The following QRICH1 variants were observed in gnomAD, a reference collection of about 807,000 sequenced individuals.
The protein encoded by QRICH1 is transcriptional regulator QRICH1.
In QRICH1, 16 loss-of-function variants were observed where a neutral mutation model predicts 87.1. The observed-to-expected ratio is 0.18, with a 90% CI of 0.12 to 0.28. The LOEUF (loss-of-function observed/expected upper bound fraction) is 0.28. QRICH1 is among the 10% of genes least tolerant of loss of function. The pLI, the probability that QRICH1 is intolerant of heterozygous loss-of-function variation, is 1.00. For synonymous variants in QRICH1, 367 were observed against 368.4 expected, an observed-to-expected ratio of 1.00 and a Z score of 0.05; for missense variants, 647 against 951.7, an observed-to-expected ratio of 0.68 and a Z score of 4.21.
Position 49,093,915 on chromosome 3 carries a change from G to A in QRICH1, c.-25C>T, listed in dbSNP as rs937031419. 8.0e-6 allele frequency: 3 copies of A among 373,434 alleles called. No homozygotes were observed. Among genetic ancestry groups the A allele is most frequent in the African/African-American group, 6.4e-5 (3 of 47,138 alleles). 23.1% of individuals were successfully genotyped at this position (373,434 alleles called of 1,614,324 possible). A position where few individuals can be genotyped will look rare whatever the true frequency, so the allele number is the denominator to read the frequency against. ...CCACCCGCACTGGAGCCCTCACCCG[G>A]CGACGTCACTGCCGCCGCCGCCGCC... On this transcript the variant is annotated 5_prime_UTR_variant, in exon 1 of 10. Coordinates refer to ENST00000395443, the MANE Select transcript of QRICH1 (RefSeq NM_198880.3).
At chr3:49,072,359 A>C (rs969032865) in intron 2 of QRICH1, among the ~76,000 whole-genome samples, 1 of 152,024 alleles carries the variant, frequency 6.6e-6, no homozygotes, top group Non-Finnish European at 1.5e-5. Flanking sequence ...TTCTGGCTCT[A>C]TCAAAAATAC....
chr3:49,072,773 G>A (rs2106963571), intron 2 of QRICH1, among the ~76,000 whole-genome samples: 1 of 152,196 alleles, frequency 6.6e-6, no homozygotes, highest in South Asian at 2.1e-4. Flanking sequence ...TGGGAACAGT[G>A]GCTCATGCCT....
At chr3:49,036,703 A>G (rs1051138080) in intron 6 of QRICH1, among the ~76,000 whole-genome samples, 1 of 152,084 alleles carries the variant, frequency 6.6e-6, no homozygotes, top group East Asian at 1.9e-4. Flanking sequence ...AAACAAAAAA[A>G]AAAAACAGCC....
intron 3 of QRICH1, 138 bp downstream of exon 3, chr3:49,056,724 C>A (rs1394157335): frequency 5.7e-6 from 8 of 1,409,450 alleles, no homozygotes; most frequent in Non-Finnish European, 7.7e-6. Context: ...GTTTCTCCCC[C>A]TCTTCTCCCA....
intron 1 of QRICH1, among the ~76,000 whole-genome samples, chr3:49,081,866 G>T (rs942092411): frequency 9.3e-5 from 14 of 151,260 alleles, no homozygotes; most frequent in Non-Finnish European, 1.8e-4. Flanking sequence ...GGAGTGCAGT[G>T]GCGTCATCTC....
chr3:49,042,415 C>T (rs1341866643), intron 6 of QRICH1, among the ~76,000 whole-genome samples: 1 of 151,940 alleles, frequency 6.6e-6, no homozygotes, highest in African/African-American at 2.4e-5. Context: ...ACACAGGAAT[C>T]TTAAAGGCAT....
At chr3:49,072,436 G>A (rs2041856943) in intron 2 of QRICH1, among the ~76,000 whole-genome samples, 1 of 151,584 alleles carries the variant, frequency 6.6e-6, no homozygotes, top group African/African-American at 2.4e-5. Flanking sequence ...TGAGGTGGGA[G>A]GATTGCTTGA....
intron 9 of QRICH1, among the ~76,000 whole-genome samples, chr3:49,030,985 T>C (rs2093234025): frequency 6.6e-6 from 1 of 151,064 alleles, no homozygotes; most frequent in African/African-American, 2.4e-5. Flanking sequence ...TCTCCAAGTC[T>C]TTGCGCTTTT....
At chr3:49,054,909 T>C (rs1397273651) in intron 3 of QRICH1, among the ~76,000 whole-genome samples, 4 of 152,146 alleles carry the variant, frequency 2.6e-5, no homozygotes, top group South Asian at 2.1e-4. Flanking sequence ...CAAAAATAAA[T>C]AAACTACAGT....
At chr3:49,085,137 C>T (rs1045335818) in intron 1 of QRICH1, among the ~76,000 whole-genome samples, 4 of 150,900 alleles carry the variant, frequency 2.7e-5, no homozygotes, top group Middle Eastern at 3.2e-3. Context: ...AGCAAGACTC[C>T]GTCTCAAAAA....
chr3:49,051,581 TGC>T lies in QRICH1; in HGVS notation c.1339-4337_1339-4336del, dbSNP rs1491504642. ...TGTACCTCCAAGCTAGAACCCCCCC[TGC>T]GCCCCCCCCCCCCTCCGCTTAATAT... is the stretch of plus-strand genomic sequence containing the variant. On this transcript the variant is annotated intron_variant, in intron 3 of 9. Coordinates refer to ENST00000395443, the MANE Select transcript of QRICH1 (RefSeq NM_198880.3). Among the ~76,000 whole-genome samples the T allele has an allele frequency of 1.8e-3, 23 of 12,642 alleles. No homozygotes were observed. In the East Asian group the frequency reaches 0.075, roughly 41 times the overall value. The allele number at this position is 12,642 out of a possible 152,430, so 8.3% of individuals were successfully genotyped here.
At chr3:49,078,694 C>CTTT (rs57367580) in intron 1 of QRICH1, among the ~76,000 whole-genome samples, 22 of 78,896 alleles carry the variant, frequency 2.8e-4, no homozygotes, top group African/African-American at 5.0e-4. Context: ...CACACCTGTC[C>CTTT]TTTTTTTTTT....
chr3:49,085,672 C>G (rs1379565895), intron 1 of QRICH1, among the ~76,000 whole-genome samples: 4 of 151,152 alleles, frequency 2.6e-5, no homozygotes, highest in African/African-American at 7.3e-5. Flanking sequence ...ACAGGAGAAT[C>G]GCTTGAACCT....
At chr3:49,056,833 G>C in intron 3 of QRICH1, 29 bp downstream of exon 3, 1 of 1,614,060 alleles carries the variant, frequency 6.2e-7, no homozygotes, top group Non-Finnish European at 8.5e-7. Flanking sequence ...GGACCAGGCT[G>C]CCTGCCCTAC....
intron 2 of QRICH1, among the ~76,000 whole-genome samples, chr3:49,066,446 C>G (rs2093468707): frequency 6.6e-6 from 1 of 151,448 alleles, no homozygotes; most frequent in South Asian, 2.1e-4. Context: ...TACTGTATTT[C>G]TTAATTTACT....
At chr3:49,058,022 C>A (rs752395233) in intron 2 of QRICH1, 132 bp from the exon 3 acceptor site, 2 of 1,475,170 alleles carry the variant, frequency 1.4e-6, no homozygotes, top group South Asian at 1.2e-5. Flanking sequence ...CTCAAGGCTT[C>A]TGAGAAGGAC....
At chr3:49,035,928 A>AAC (rs1416295969) in intron 6 of QRICH1, among the ~76,000 whole-genome samples, 1 of 151,694 alleles carries the variant, frequency 6.6e-6, no homozygotes, top group Non-Finnish European at 1.5e-5. Flanking sequence ...AAAAAAAAAA[A>AAC]CAAAAACTAG....
intron 2 of QRICH1, among the ~76,000 whole-genome samples, chr3:49,058,954 T>C (rs2093418718): frequency 1.4e-5 from 2 of 147,392 alleles, no homozygotes; most frequent in Admixed American, 1.4e-4. Context: ...TGAAATGGAG[T>C]TTCACTCTTT....
intron 2 of QRICH1, among the ~76,000 whole-genome samples, chr3:49,059,246 T>G (rs1264594714): frequency 6.6e-6 from 1 of 151,770 alleles, no homozygotes; most frequent in African/African-American, 2.4e-5. Context: ...ATTACAGGCG[T>G]GAGCCATCAC....
Sources: allele counts gnomAD v4.1 joint callset (sites outside exome capture counted in the v4.1 genomes callset), GRCh38; gene constraint gnomAD v4.1.1; transcripts MANE v1.5; gene names NCBI Gene and HGNC (gene_info 2026-07-23, HGNC 2026-07-21).